Variants in RAB20 observed in about 807,000 individuals in gnomAD.
The protein encoded by RAB20 is RAB20, member RAS oncogene family, also known as ras-related protein Rab-20.
RAB20 carries 2 observed loss-of-function variants against 3.7 expected under a neutral mutation model. That is an observed-to-expected ratio of 0.54 (90% CI 0.22 to 1.69). RAB20 has a LOEUF of 1.69. Among genes scored for constraint, RAB20 ranks in the 40% most tolerant of loss-of-function variants. The probability of loss-of-function intolerance (pLI) is 0.19; values close to 1 mark genes in which losing one functional copy is unlikely to be tolerated. For missense variants in RAB20, 276 were observed against 311.9 expected, an observed-to-expected ratio of 0.88 and a Z score of 0.87; for synonymous variants, 126 against 130.8, an observed-to-expected ratio of 0.96 and a Z score of 0.25.
At chr13:110,548,807 C>A (rs370429288) in intron 1 of RAB20, among the ~76,000 whole-genome samples, 1 of 152,122 alleles carries the variant, frequency 6.6e-6, no homozygotes, top group South Asian at 2.1e-4. Context: ...CCTCAGCTTC[C>A]TCATCTGCAC....
rs1885026382 is a variant in RAB20 at position 110,555,666 on chromosome 13, T to TGTGCC, written c.172+5677_172+5681dup. 1.3e-5 allele frequency among the ~76,000 whole-genome samples: 2 copies of TGTGCC among 152,338 alleles called. No homozygotes were observed. The highest frequency in any genetic ancestry group is 2.1e-4 in the South Asian group (1 of 4,832). ...ACGGAAGCGCAAACGTGAATCAGCC[T>TGTGCC]GTGCCTTCTGCGGGTGAAACCAGTC... On this transcript the variant is annotated intron_variant, in intron 1 of 1. Coordinates refer to ENST00000267328, the MANE Select transcript of RAB20 (RefSeq NM_017817.3). The surrounding 1 kb of genome is among the most constrained non-coding windows in gnomAD (Gnocchi z 4.0).
At chr13:110,549,776 A>G (rs1442741828) in intron 1 of RAB20, among the ~76,000 whole-genome samples, 1 of 151,288 alleles carries the variant, frequency 6.6e-6, no homozygotes, top group South Asian at 2.1e-4. Context: ...GCTGGAGTGC[A>G]GTGGCACAAT....
At chr13:110,554,351 A>T (rs1187757994) in intron 1 of RAB20, among the ~76,000 whole-genome samples, 2 of 152,188 alleles carry the variant, frequency 1.3e-5, no homozygotes, top group Non-Finnish European at 2.9e-5. Context: ...CATATGACAC[A>T]GCCTCCACCC....
chr13:110,541,088 T>C (rs1884753210), intron 1 of RAB20, among the ~76,000 whole-genome samples: 1 of 152,194 alleles, frequency 6.6e-6, no homozygotes. Flanking sequence ...CGCTTCAGCC[T>C]CTCATCAACC....
At chr13:110,541,841 C>CAT (rs57974273) in intron 1 of RAB20, among the ~76,000 whole-genome samples, 2 of 150,242 alleles carry the variant, frequency 1.3e-5, no homozygotes, top group African/African-American at 2.4e-5. Context: ...CACACACACA[C>CAT]TCTCACATAC....
intron 1 of RAB20, among the ~76,000 whole-genome samples, chr13:110,553,949 C>G (rs1884998229): frequency 6.6e-6 from 1 of 152,120 alleles, no homozygotes; most frequent in African/African-American, 2.4e-5. Context: ...GACCCCGTCT[C>G]TACAAAAACA....
Position 110,555,819 on chromosome 13 carries a change from C to T in RAB20, c.172+5529G>A, listed in dbSNP as rs1007381700. Reference sequence around the variant, plus strand: ...TTCTCACTCTTTACCACGGCCACCGCGAGTGCCCCCAGCCTTCCCTCCTCT... The same window carrying T: ...TTCTCACTCTTTACCACGGCCACCGTGAGTGCCCCCAGCCTTCCCTCCTCT... On this transcript the variant is annotated intron_variant, in intron 1 of 1. Transcript: ENST00000267328. This position sits in a 1 kb window ranked among gnomAD's most constrained non-coding sequence, Gnocchi z 4.0. Among the ~76,000 whole-genome samples the T allele has an allele frequency of 4.6e-5, 7 of 152,304 alleles. No homozygotes were observed. Among genetic ancestry groups the T allele is most frequent in the South Asian group, 2.1e-4 (1 of 4,832 alleles).
chr13:110,540,463 C>A lies in RAB20; in HGVS notation c.173-16266G>T, dbSNP rs147903077. Among the ~76,000 whole-genome samples, 576 of 152,302 alleles carry A rather than the reference C, an allele frequency of 3.8e-3. 3 individuals are homozygous for A. Among genetic ancestry groups the A allele is most frequent in the African/African-American group, 0.013 (545 of 41,558 alleles). Reference sequence around the variant, plus strand: ...AACTTTTTAAATCTAAACAGGGAGGCCGGGCGCAGTGGCTCATGCCTGTAA... The same window carrying A: ...AACTTTTTAAATCTAAACAGGGAGGACGGGCGCAGTGGCTCATGCCTGTAA... On this transcript the variant is annotated intron_variant, in intron 1 of 1. Coordinates refer to ENST00000267328, the MANE Select transcript of RAB20 (RefSeq NM_017817.3).
Position 110,555,266 on chromosome 13 carries a change from G to A in RAB20, c.172+6082C>T, listed in dbSNP as rs559622440. 3.9e-5 allele frequency among the ~76,000 whole-genome samples: 6 copies of A among 152,260 alleles called. No homozygotes were observed. The highest frequency in any genetic ancestry group is 3.9e-4 in the East Asian group (2 of 5,168). On this transcript the variant is annotated intron_variant, in intron 1 of 1. Transcript: ENST00000267328. The surrounding 1 kb of genome is among the most constrained non-coding windows in gnomAD (Gnocchi z 4.0). ...ACCACAAACCTCCAACTACTCTAAC[G>A]CGCCGGAATAGAACTCAAATGAGGC...
intron 1 of RAB20, among the ~76,000 whole-genome samples, chr13:110,538,134 G>A (rs1884681228): frequency 6.6e-6 from 1 of 151,796 alleles, no homozygotes; most frequent in Non-Finnish European, 1.5e-5. Context: ...AGCTACTTGG[G>A]AGGCTGAGGC....
intron 1 of RAB20, among the ~76,000 whole-genome samples, chr13:110,531,884 G>C (rs1021299216): frequency 6.6e-6 from 1 of 152,190 alleles, no homozygotes; most frequent in Non-Finnish European, 1.5e-5. Context: ...CCAGGGTTCA[G>C]GCAGAAGGGG....
chr13:110,543,607 T>C (rs111864629), intron 1 of RAB20, among the ~76,000 whole-genome samples: 39 of 152,188 alleles, frequency 2.6e-4, no homozygotes, highest in African/African-American at 9.2e-4. Flanking sequence ...GCTTTTTGGT[T>C]TGATGCAATC....
chr13:110,525,128 C>T (rs1884405071), intron 1 of RAB20, among the ~76,000 whole-genome samples: 3 of 152,334 alleles, frequency 2.0e-5, no homozygotes, highest in Admixed American at 1.3e-4. Context: ...CTGCTCTCCC[C>T]GTGCCCCCAG....
chr13:110,547,025 TCAC>T (rs1884864597), intron 1 of RAB20, among the ~76,000 whole-genome samples: 2 of 151,984 alleles, frequency 1.3e-5, no homozygotes, highest in African/African-American at 4.8e-5. Context: ...CAGGCGTGAG[TCAC>T]CACGCCTGGC....
chr13:110,542,922 G>A (rs576452039), intron 1 of RAB20, among the ~76,000 whole-genome samples: 322 of 152,248 alleles, frequency 2.1e-3, no homozygotes, highest in African/African-American at 7.4e-3. Context: ...AGCAATGTGC[G>A]GGGTTCTCTT....
intron 1 of RAB20, among the ~76,000 whole-genome samples, chr13:110,540,953 C>T: frequency 6.6e-6 from 1 of 152,162 alleles, no homozygotes; most frequent in East Asian, 1.9e-4. Flanking sequence ...CGCAGCTGCC[C>T]ATGCCCCTGG....
chr13:110,527,234 G>A (rs1047224250), intron 1 of RAB20, among the ~76,000 whole-genome samples: 5 of 152,040 alleles, frequency 3.3e-5, no homozygotes, highest in African/African-American at 1.2e-4. Context: ...TGGATTTTGA[G>A]GCAGGCTGGT....
intron 1 of RAB20, among the ~76,000 whole-genome samples, chr13:110,532,566 A>G (rs1045486009): frequency 1.3e-5 from 2 of 152,160 alleles, no homozygotes; most frequent in Non-Finnish European, 2.9e-5. Flanking sequence ...TAGTAGGGAC[A>G]GGGTTTCACC....
rs563551395 is a variant in RAB20 at position 110,544,777 on chromosome 13, C to T, written c.172+16571G>A. 2.4e-4 allele frequency among the ~76,000 whole-genome samples: 37 copies of T among 152,284 alleles called. No homozygotes were observed. In the East Asian group the frequency reaches 3.1e-3, roughly 13 times the overall value. ...AAAGCGCCTCACCGAGGGAAAGTGA[C>T]GCACCACACACCCTCAAATCTCAAG... On this transcript the variant is annotated intron_variant, in intron 1 of 1. Coordinates refer to ENST00000267328, the MANE Select transcript of RAB20 (RefSeq NM_017817.3).
Sources: allele counts gnomAD v4.1 joint callset (sites outside exome capture counted in the v4.1 genomes callset), GRCh38; gene constraint gnomAD v4.1.1; non-coding constraint Gnocchi (gnomAD v3.1); transcripts MANE v1.5; gene names NCBI Gene and HGNC (gene_info 2026-07-23, HGNC 2026-07-21).